The following DNAAF1 variants were observed in gnomAD, a reference collection of about 807,000 sequenced individuals.
DNAAF1 encodes the protein dynein assembly factor 1, axonemal.
A neutral mutation model predicts 71.1 loss-of-function variants in DNAAF1; 65 were observed. The ratio of observed to expected loss-of-function variants is 0.91; its 90% CI spans 0.75 to 1.12. The LOEUF is 1.12. Ranked by LOEUF, DNAAF1 falls within the 50% of genes most tolerant of loss-of-function variation. The pLI is 0.00. For synonymous variants in DNAAF1, 414 were observed against 354.6 expected (o/e 1.17, Z -1.88); for missense variants, 1,178 against 899.8 (o/e 1.31, Z -3.96).
chr16:84,164,915 C>T (rs905826313), intron 6 of DNAAF1, among the ~76,000 whole-genome samples: 2 of 152,146 alleles, frequency 1.3e-5, no homozygotes, highest in African/African-American at 4.8e-5. Context: ...ACTCCACATC[C>T]TCATTAGCGC....
At position 84,172,277 on chromosome 16, in the gene DNAAF1, G is replaced by A; in HGVS notation, c.1546G>A (p.Val516Met). Residue 516 changes from valine to methionine, a missense_variant, in exon 9 of 12, where the codon GTG becomes ATG. Transcript: ENST00000378553. The part of the protein sequence containing the change: ...AAREEPTPQA[V>M]ATEGVFVTEL... ...CTCTTTAGAACCGACTCCCCAGGCTGTGGCCACTGAGGGTGTATTCGTTAC... is the reference window on the plus strand; with the variant it reads ...CTCTTTAGAACCGACTCCCCAGGCTATGGCCACTGAGGGTGTATTCGTTAC... 3 of 1,614,180 alleles carry A rather than the reference G, an allele frequency of 1.9e-6. No individual in the cohort carries two copies. Among genetic ancestry groups the A allele is most frequent in the Non-Finnish European group, 2.5e-6 (3 of 1,180,030 alleles).
intron 2 of DNAAF1, 112 bp from the exon 3 acceptor site, chr16:84,150,137 GAT>G: frequency 1.3e-6 from 1 of 751,954 alleles, no homozygotes; most frequent in Non-Finnish European, 2.4e-6. Context: ...AGGTATCAGG[GAT>G]ATAGGATGTT....
In DNAAF1 at chr16:84,177,905, C is replaced by A; in HGVS notation, c.*64C>A. 1 of 1,337,158 alleles carries A rather than the reference C, an allele frequency of 7.5e-7. No homozygotes were observed. The highest frequency in any genetic ancestry group is 1.1e-6 in the Non-Finnish European group (1 of 929,516). 82.8% of individuals were successfully genotyped at this position (1,337,158 alleles called of 1,614,324 possible). A position where few individuals can be genotyped will look rare whatever the true frequency, so the allele number is the denominator to read the frequency against. On this transcript the variant is annotated 3_prime_UTR_variant, in exon 12 of 12. Transcript: ENST00000378553. The stretch of plus-strand genomic sequence containing the variant: ...AAATGTCTCCCTTAGGCATGATAAA[C>A]ATTTTAACACCCACGCGAGTCAGTG...
Position 84,173,376 on chromosome 16 carries a change from A to G in DNAAF1, c.1644+1001A>G, listed in dbSNP as rs181114540. The stretch of plus-strand genomic sequence containing the variant: ...CTACTTGGGAGGCTGAGGCAGGAGA[A>G]TGGCAGGAACCTGGGAGGTGGAGCT... On this transcript the variant is annotated intron_variant, in intron 9 of 11. Coordinates refer to ENST00000378553, the MANE Select transcript of DNAAF1 (RefSeq NM_178452.6). 9.1e-4 allele frequency: 626 copies of G among 687,598 alleles called. 4 individuals are homozygous for G. The African/African-American group carries it at 0.011, about 13-fold the overall frequency. The allele number at this position is 687,598 out of a possible 1,614,324, so 42.6% of individuals were successfully genotyped here.
rs2087611236 is a variant in DNAAF1 at position 84,159,677 on chromosome 16, T to C, written c.744T>C (p.Arg248=). 6.2e-7 allele frequency: 1 copy of C among 1,611,594 alleles called. No homozygotes were observed. The highest frequency in any genetic ancestry group is 1.1e-5 in the South Asian group (1 of 90,772). The change falls in exon 6 of 12, where the codon CGT becomes CGC. Residue 248 remains arginine (R), a splice_region_variant and synonymous_variant. Coordinates refer to ENST00000378553, the MANE Select transcript of DNAAF1 (RefSeq NM_178452.6). ...LSILESMPDL[R]VLNLMGNPVI... Reference sequence around the variant, plus strand: ...TGGTTCTGCTTGTCTTCTTGCAGCGTGTACTGAATTTGATGGGAAACCCGG... The same window carrying C: ...TGGTTCTGCTTGTCTTCTTGCAGCGCGTACTGAATTTGATGGGAAACCCGG...
chr16:84,155,729 C>G lies in DNAAF1; in HGVS notation c.721C>G (p.Leu241Val), dbSNP rs1284723257. The G allele has an allele frequency of 6.2e-7, 1 of 1,614,130 alleles. No individual in the cohort carries two copies. Among genetic ancestry groups the G allele is most frequent in the South Asian group, 1.1e-5 (1 of 91,072 alleles). ...GAGTGACCCGGAGATCCTGAGCATT[C>G]TGGAAAGCATGCCCGATTTGGTAAA... ...KLSDPEILSI[L>V]ESMPDLRVLN... Residue 241 changes from leucine to valine, a missense_variant, in exon 5 of 12, where the codon CTG becomes GTG. Leu to Val is a conservative substitution (Grantham distance 32). Transcript: ENST00000378553.
intron 1 of DNAAF1, 91 bp downstream of exon 1, chr16:84,145,655 A>T: frequency 7.0e-7 from 1 of 1,426,488 alleles, no homozygotes; most frequent in African/African-American, 1.4e-5. Context: ...CCCGATCTTC[A>T]CAGCCAAATA....
intron 1 of DNAAF1, among the ~76,000 whole-genome samples, chr16:84,146,269 C>G (rs1420082919): frequency 6.6e-6 from 1 of 152,164 alleles, no homozygotes; most frequent in Non-Finnish European, 1.5e-5. Flanking sequence ...GGCTTTCTCT[C>G]CCTCCAGACT....
rs560165442 is a variant in DNAAF1 at position 84,165,879 on chromosome 16, C to T, written c.960C>T (p.Ser320=). 3.1e-6 allele frequency: 5 copies of T among 1,613,264 alleles called. No individual in the cohort carries two copies. Among genetic ancestry groups the T allele is most frequent in the East Asian group, 2.2e-5 (1 of 44,862 alleles). The change falls in exon 7 of 12, where the codon AGC becomes AGT. Residue 320 remains serine, a synonymous_variant. Coordinates refer to ENST00000378553, the MANE Select transcript of DNAAF1 (RefSeq NM_178452.6). ...GGGAGCGGAAGAAGATCACAGACAG[C>T]ATTGAAGCCTTGGCCATGATCAAGC... ...ESRERKKITD[S]IEALAMIKQR...
At chr16:84,164,143 A>G (rs941195943) in intron 6 of DNAAF1, among the ~76,000 whole-genome samples, 1 of 152,204 alleles carries the variant, frequency 6.6e-6, no homozygotes, top group Non-Finnish European at 1.5e-5. Context: ...TTTACTGAAA[A>G]ATTGAGCAGA....
At position 84,172,541 on chromosome 16, in the gene DNAAF1, C is replaced by T. The variant is rs556766712; in HGVS notation, c.1644+166C>T. ...TAGAAATGCAGACTCCCAGGCCTCA[C>T]CCCAGGCCCACTGATTAGAATCCAA... On this transcript the variant is annotated intron_variant, in intron 9 of 11. Coordinates refer to ENST00000378553, the MANE Select transcript of DNAAF1 (RefSeq NM_178452.6). 10 of 1,446,482 alleles carry T rather than the reference C, an allele frequency of 6.9e-6. No individual in the cohort carries two copies. The African/African-American group carries it at 1.4e-4, about 21-fold the overall frequency. The allele number at this position is 1,446,482 out of a possible 1,614,324, so 89.6% of individuals were successfully genotyped here.
intron 7 of DNAAF1, 57 bp from the exon 8 acceptor site, chr16:84,169,802 A>C (rs2088227148): frequency 6.2e-7 from 1 of 1,611,102 alleles, no homozygotes; most frequent in East Asian, 2.2e-5. Context: ...TGTACCCACA[A>C]ACACCCTTGT....
rs1453957672 is a variant in DNAAF1 at position 84,176,089 on chromosome 16, G to T, written c.1855G>T (p.Val619Leu). Reference sequence around the variant, plus strand: ...TAAAGACACCTCAAAGGCGGCTCGGGTGCCCTTCACAGACATCTTTAAAAA... The same window carrying T: ...TAAAGACACCTCAAAGGCGGCTCGGTTGCCCTTCACAGACATCTTTAAAAA... ...VSKDTSKAAR[V>L]PFTDIFKKEA... Residue 619 changes from valine (V) to leucine (L), a missense_variant, in exon 11 of 12, where the codon GTG becomes TTG. Val to Leu is a conservative substitution (Grantham distance 32, BLOSUM62 1). Transcript: ENST00000378553. 1 of 1,613,996 alleles carries T rather than the reference G, an allele frequency of 6.2e-7. No individual in the cohort carries two copies. The highest frequency in any genetic ancestry group is 8.5e-7 in the Non-Finnish European group (1 of 1,179,970).
chr16:84,168,533 C>T (rs775146668), intron 7 of DNAAF1, among the ~76,000 whole-genome samples: 1 of 152,154 alleles, frequency 6.6e-6, no homozygotes, highest in African/African-American at 2.4e-5. Flanking sequence ...CCGCCTCGGC[C>T]TCCCAAAGTG....
At chr16:84,158,062 G>A (rs1379693465) in intron 5 of DNAAF1, among the ~76,000 whole-genome samples, 1 of 151,942 alleles carries the variant, frequency 6.6e-6, no homozygotes, top group African/African-American at 2.4e-5. Context: ...AAAATTAGCC[G>A]GGCGTGGTGG....
intron 6 of DNAAF1, among the ~76,000 whole-genome samples, chr16:84,165,405 C>T (rs996128332): frequency 6.6e-6 from 1 of 151,990 alleles, no homozygotes; most frequent in Non-Finnish European, 1.5e-5. Context: ...AGGCTGATCT[C>T]GAACTCCTGG....
At chr16:84,148,596 C>CTCTCTCTCTTTTTTTTTTTTTTTTTTTT in intron 1 of DNAAF1, among the ~76,000 whole-genome samples, 1 of 43,578 alleles carries the variant, frequency 2.3e-5, no homozygotes, top group African/African-American at 9.2e-5. Flanking sequence ...CTCTCTCTCT[C>CTCTCTCTCTTTTTTTTTTTTTTTTTTTT]TTTTTTTTTT....
intron 10 of DNAAF1, chr16:84,175,481 C>T (rs1021862942): frequency 2.0e-5 from 4 of 204,542 alleles, no homozygotes; most frequent in Admixed American, 1.6e-4. Context: ...GGAGCCCACA[C>T]GTGCCAGACC....
chr16:84,155,530 C>T, intron 4 of DNAAF1, 53 bp from the exon 5 acceptor site: 1 of 1,601,226 alleles, frequency 6.2e-7, no homozygotes, highest in Non-Finnish European at 8.5e-7. Flanking sequence ...GTGCCTGGCC[C>T]AAGAAGCATT....
Sources: gnomAD v4.1 joint callset for allele counts (sites outside exome capture counted in the v4.1 genomes callset) on GRCh38, gnomAD v4.1.1 for gene constraint, MANE v1.5 for transcripts, NCBI Gene and HGNC (gene_info 2026-07-23, HGNC 2026-07-21) for gene names.